Variants in CPEB3 observed in about 807,000 individuals in gnomAD.
The protein encoded by CPEB3 is cytoplasmic polyadenylation element binding protein 3, also known as cytoplasmic polyadenylation element-binding protein 3.
A neutral mutation model predicts 67.2 loss-of-function variants in CPEB3; 20 were observed. The observed-to-expected ratio is 0.30, with a 90% CI of 0.21 to 0.43. The LOEUF (loss-of-function observed/expected upper bound fraction) is 0.43, where lower values mean the gene tolerates loss of function less well. CPEB3 is among the 20% of genes least tolerant of loss of function. The pLI is 1.00. For synonymous variants in CPEB3, 376 were observed against 393.1 expected (o/e 0.96, Z 0.51); for missense variants, 746 against 968.6 (o/e 0.77, Z 3.05).
chr10:92,229,747 T>C (rs750787609), intron 2 of CPEB3, among the ~76,000 whole-genome samples: 6 of 152,320 alleles, frequency 3.9e-5, no homozygotes, highest in Non-Finnish European at 5.9e-5. Flanking sequence ...ATATCTTGTA[T>C]AGAAATACTA....
At chr10:92,167,331 T>C (rs574884467) in intron 4 of CPEB3, among the ~76,000 whole-genome samples, 28 of 152,388 alleles carry the variant, frequency 1.8e-4, no homozygotes, top group South Asian at 6.2e-4. Context: ...GCTTTTAGCC[T>C]GTCTCAGCTT....
chr10:92,137,469 C>A, intron 6 of CPEB3: 1 of 1,223,822 alleles, frequency 8.2e-7, no homozygotes, highest in Non-Finnish European at 1.2e-6. Context: ...TCAACAGCAA[C>A]ACCCAGGTGG....
At chr10:92,220,495 A>AC (rs1850641868) in intron 2 of CPEB3, among the ~76,000 whole-genome samples, 1 of 110,196 alleles carries the variant, frequency 9.1e-6, no homozygotes. Context: ...CCCCACCCCC[A>AC]TCCCACCCAG....
intron 7 of CPEB3, among the ~76,000 whole-genome samples, chr10:92,102,618 C>CA (rs756074354): frequency 2.0e-5 from 3 of 152,334 alleles, no homozygotes; most frequent in Non-Finnish European, 4.4e-5. Flanking sequence ...TAAGGGCACT[C>CA]AGTGCAGAAA....
intron 7 of CPEB3, among the ~76,000 whole-genome samples, chr10:92,095,601 T>TATATATATATA (rs1491405800): frequency 6.2e-4 from 54 of 87,682 alleles, no homozygotes; most frequent in African/African-American, 1.6e-3. Context: ...TATATATATA[T>TATATATATATA]TTTTTTTTTT....
At chr10:92,201,553 C>A (rs1849526459) in intron 2 of CPEB3, among the ~76,000 whole-genome samples, 1 of 151,518 alleles carries the variant, frequency 6.6e-6, no homozygotes, top group South Asian at 2.1e-4. Context: ...AACAAACAAA[C>A]AAAAACCAAC....
intron 4 of CPEB3, among the ~76,000 whole-genome samples, chr10:92,168,575 G>C (rs1407261661): frequency 1.3e-5 from 2 of 152,006 alleles, no homozygotes; most frequent in Non-Finnish European, 2.9e-5. Context: ...ATTGAATCAT[G>C]GGATTGGTTA....
Position 92,239,877 on chromosome 10 carries a change from C to T in CPEB3, c.474G>A (p.Ala158=), listed in dbSNP as rs539007965. 1.2e-6 allele frequency: 2 copies of T among 1,608,042 alleles called. No individual in the cohort carries two copies. The highest frequency in any genetic ancestry group is 1.7e-6 in the Non-Finnish European group (2 of 1,177,686). Residue 158 remains alanine, a synonymous_variant, in exon 2 of 10, where the codon GCG becomes GCA. Coordinates refer to ENST00000265997, the MANE Select transcript of CPEB3 (RefSeq NM_014912.5). This position sits in a 1 kb window ranked among gnomAD's most constrained non-coding sequence, Gnocchi z 6.0. ...GGTFSPQIGL[A]QTQHHQQPPP... ...GCGGCTGCTGGTGGTGCTGGGTCTGCGCCAGGCCGATCTGCGGGGAGAAAG... is the reference window on the plus strand; with the variant it reads ...GCGGCTGCTGGTGGTGCTGGGTCTGTGCCAGGCCGATCTGCGGGGAGAAAG...
intron 6 of CPEB3, among the ~76,000 whole-genome samples, chr10:92,135,979 G>A (rs1486907584): frequency 6.6e-6 from 1 of 151,266 alleles, no homozygotes; most frequent in Admixed American, 6.6e-5. Context: ...CTTGGACACA[G>A]GGCAGGGAAC....
chr10:92,251,765 G>A (rs1852310771), intron 1 of CPEB3, among the ~76,000 whole-genome samples: 1 of 151,948 alleles, frequency 6.6e-6, no homozygotes, highest in Non-Finnish European at 1.5e-5. Context: ...GTCCCATCCT[G>A]GAAGGGGACA....
At chr10:92,212,531 G>A (rs1259138778) in intron 2 of CPEB3, among the ~76,000 whole-genome samples, 1 of 152,100 alleles carries the variant, frequency 6.6e-6, no homozygotes, top group Non-Finnish European at 1.5e-5. Context: ...TTACAGGTGT[G>A]AGCCACTTTG....
Position 92,049,989 on chromosome 10 carries a change from T to C in CPEB3, c.*2223A>G, listed in dbSNP as rs1852231453. ...TCTGAATAAACTTACTTAGAAAATA[T>C]CATTTTCTTTCCTATATTTCAAAAT... On this transcript the variant is annotated 3_prime_UTR_variant, in exon 10 of 10. Transcript: ENST00000265997. The C allele has an allele frequency of 6.6e-6, 1 of 152,354 alleles. No homozygotes were observed. Among genetic ancestry groups the C allele is most frequent in the South Asian group, 2.1e-4 (1 of 4,820 alleles). The allele number at this position is 152,354 out of a possible 1,614,324, so 9.4% of individuals were successfully genotyped here. A position where few individuals can be genotyped will look rare whatever the true frequency, so the allele number is the denominator to read the frequency against.
chr10:92,204,690 C>A (rs12256772), intron 2 of CPEB3, among the ~76,000 whole-genome samples: 121 of 152,196 alleles, frequency 8.0e-4, no homozygotes, highest in African/African-American at 2.8e-3. Flanking sequence ...AAACAAAAAA[C>A]CCCTTGAATC....
At position 92,289,782 on chromosome 10, in the gene CPEB3, TATGTATTATATATTATAA is replaced by T. The variant is rs1207776034; in HGVS notation, c.-12+1126_-12+1143del. Reference sequence around the variant, plus strand: ...ATGTATTATATATTATAAATGTATATATGTATTATATATTATAAATGTATTATATATTATATAATACAT... The same window carrying T: ...ATGTATTATATATTATAAATGTATATATGTATTATATATTATATAATACAT... On this transcript the variant is annotated intron_variant, in intron 1 of 9. Coordinates refer to ENST00000265997, the MANE Select transcript of CPEB3 (RefSeq NM_014912.5). 3.0e-4 allele frequency among the ~76,000 whole-genome samples: 42 copies of T among 139,046 alleles called. No homozygotes were observed. In the South Asian group the frequency reaches 8.5e-3, roughly 28 times the overall value. 91.2% of individuals were successfully genotyped at this position (139,046 alleles called of 152,430 possible). A position where few individuals can be genotyped will look rare whatever the true frequency, so the allele number is the denominator to read the frequency against.
At chr10:92,208,110 T>G (rs1265878025) in intron 2 of CPEB3, among the ~76,000 whole-genome samples, 2 of 152,188 alleles carry the variant, frequency 1.3e-5, no homozygotes, top group Admixed American at 1.3e-4. Flanking sequence ...GAAAAATGCT[T>G]TATGAGCTGT....
At chr10:92,133,452 T>G (rs971570436) in intron 6 of CPEB3, among the ~76,000 whole-genome samples, 1 of 152,114 alleles carries the variant, frequency 6.6e-6, no homozygotes, top group African/African-American at 2.4e-5. Context: ...ACATACACCC[T>G]CCCAAGACTA....
intron 2 of CPEB3, among the ~76,000 whole-genome samples, chr10:92,197,159 G>A (rs941931260): frequency 6.6e-6 from 1 of 152,168 alleles, no homozygotes; most frequent in African/African-American, 2.4e-5. Context: ...GAAAACATAT[G>A]ACATGTGAAT....
chr10:92,202,499 C>T (rs1386233261), intron 2 of CPEB3, among the ~76,000 whole-genome samples: 1 of 147,534 alleles, frequency 6.8e-6, no homozygotes, highest in African/African-American at 2.5e-5. Context: ...ATCTAGTATG[C>T]ACCCACAAAA....
At chr10:92,234,054 C>T (rs11186867) in intron 2 of CPEB3, among the ~76,000 whole-genome samples, 34,736 of 146,430 alleles carry the variant, frequency 0.24, 4,748 homozygotes, top group Middle Eastern at 0.35. Context: ...TGCAGTAAGC[C>T]GAGATCATAC....
Sources: gnomAD v4.1 joint callset for allele counts (sites outside exome capture counted in the v4.1 genomes callset) on GRCh38, gnomAD v4.1.1 for gene constraint, Gnocchi (gnomAD v3.1) non-coding constraint, MANE v1.5 for transcripts, NCBI Gene and HGNC (gene_info 2026-07-23, HGNC 2026-07-21) for gene names.